PAPPA: variants seen among roughly 807,000 people sequenced by gnomAD.
PAPPA encodes the protein pappalysin-1.
In PAPPA, 60 loss-of-function variants were observed where a neutral mutation model predicts 164.0. The ratio of observed to expected loss-of-function variants is 0.37; its 90% CI spans 0.30 to 0.45. The LOEUF (loss-of-function observed/expected upper bound fraction) is 0.45. Ranked by LOEUF, PAPPA falls within the 20% of genes least tolerant of loss-of-function variation. The pLI, the probability that PAPPA is intolerant of heterozygous loss-of-function variation, is 1.00. For synonymous variants in PAPPA, 875 were observed against 814.1 expected, an observed-to-expected ratio of 1.07 and a Z score of -1.27; for missense variants, 1,782 against 2,087.3, an observed-to-expected ratio of 0.85 and a Z score of 2.85.
At chr9:116,297,730 C>A (rs778287372) in intron 9 of PAPPA, among the ~76,000 whole-genome samples, 1 of 152,122 alleles carries the variant, frequency 6.6e-6, no homozygotes, top group Non-Finnish European at 1.5e-5. Context: ...CTTCAAGATA[C>A]CTTAGGGTCT....
intron 9 of PAPPA, among the ~76,000 whole-genome samples, chr9:116,281,705 G>A (rs2118844383): frequency 6.6e-6 from 1 of 152,304 alleles, no homozygotes; most frequent in Non-Finnish European, 1.5e-5. Flanking sequence ...TGACACAACA[G>A]AGCCCCCAAA....
chr9:116,353,878 T>A, intron 17 of PAPPA, 85 bp downstream of exon 17: 1 of 953,154 alleles, frequency 1.0e-6, no homozygotes, highest in African/African-American at 1.7e-5. Flanking sequence ...AGGAACCACT[T>A]TCTGCACTTT....
intron 1 of PAPPA, among the ~76,000 whole-genome samples, chr9:116,159,488 TCTC>T (rs1843639985): frequency 6.6e-6 from 1 of 152,124 alleles, no homozygotes; most frequent in African/African-American, 2.4e-5. Context: ...AATTTGATCT[TCTC>T]CTCTTTGACA....
intron 4 of PAPPA, among the ~76,000 whole-genome samples, chr9:116,213,424 G>T (rs1017357834): frequency 2.6e-5 from 4 of 152,086 alleles, no homozygotes; most frequent in Non-Finnish European, 5.9e-5. Flanking sequence ...GCTCAAAAAA[G>T]ACCAGGGTGC....
chr9:116,207,647 A>T (rs1484316119), intron 3 of PAPPA, 46 bp downstream of exon 3: 1 of 1,465,732 alleles, frequency 6.8e-7, no homozygotes, highest in South Asian at 1.3e-5. Flanking sequence ...GTAGGACAGT[A>T]ATACACTTAG....
intron 10 of PAPPA, among the ~76,000 whole-genome samples, chr9:116,305,254 G>A (rs1019953496): frequency 6.6e-6 from 1 of 151,182 alleles, no homozygotes; most frequent in African/African-American, 2.4e-5. Context: ...GAATGAGGAG[G>A]AAGTATAATT....
intron 9 of PAPPA, among the ~76,000 whole-genome samples, chr9:116,282,234 T>C (rs974324137): frequency 6.6e-6 from 1 of 152,224 alleles, no homozygotes; most frequent in South Asian, 2.1e-4. Context: ...TCTAGATTAC[T>C]TCTAATACCT....
Position 116,398,742 on chromosome 9 carries a change from T to A in PAPPA, c.*2126T>A, listed in dbSNP as rs1328159482. On this transcript the variant is annotated 3_prime_UTR_variant, in exon 22 of 22. Coordinates refer to ENST00000328252, the MANE Select transcript of PAPPA (RefSeq NM_002581.5). The stretch of plus-strand genomic sequence containing the variant: ...ATATTGGCAAGGCTGCCACAGTTGT[T>A]AAGAATAATCCTCTATGTTTCTTCC... 2.2e-6 allele frequency: 1 copy of A among 455,914 alleles called. No individual in the cohort carries two copies. The highest frequency in any genetic ancestry group is 2.4e-5 in the Admixed American group (1 of 42,504). 28.2% of individuals were successfully genotyped at this position (455,914 alleles called of 1,614,324 possible).
Position 116,154,092 on chromosome 9 carries a change from G to A in PAPPA, c.-81G>A. ...CAAGAAGGGTGAAGAAGCGAAGAAA[G>A]TCGAGGCGCCGAGGCTCCCAAAGCT... On this transcript the variant is annotated 5_prime_UTR_variant, in exon 1 of 22. Coordinates refer to ENST00000328252, the MANE Select transcript of PAPPA (RefSeq NM_002581.5). This position sits in a 1 kb window ranked among gnomAD's most constrained non-coding sequence, Gnocchi z 5.2. 1 of 1,194,292 alleles carries A rather than the reference G, an allele frequency of 8.4e-7. No homozygotes were observed. Among genetic ancestry groups the A allele is most frequent in the Non-Finnish European group, 1.1e-6 (1 of 950,956 alleles). 74.0% of individuals were successfully genotyped at this position (1,194,292 alleles called of 1,614,324 possible).
intron 9 of PAPPA, among the ~76,000 whole-genome samples, chr9:116,293,065 C>T (rs1252950890): frequency 2.6e-5 from 4 of 152,056 alleles, no homozygotes; most frequent in East Asian, 1.9e-4. Flanking sequence ...TTGATGACGA[C>T]GTTAATGAGA....
chr9:116,308,248 T>C (rs1336728159), intron 10 of PAPPA, among the ~76,000 whole-genome samples: 2 of 151,850 alleles, frequency 1.3e-5, no homozygotes, highest in African/African-American at 4.8e-5. Flanking sequence ...GACCCAAGAG[T>C]GAGAGTGTAA....
At chr9:116,364,769 G>A (rs1031961665) in intron 18 of PAPPA, among the ~76,000 whole-genome samples, 3 of 152,186 alleles carry the variant, frequency 2.0e-5, no homozygotes, top group Admixed American at 6.5e-5. Context: ...GAGGGGAAGG[G>A]GTGGGAGGGT....
rs1564212451 is a variant in PAPPA, at chr9:116,289,368, G to GGCATATATATGGCATATGTATA, written c.2954-13379_2954-13378insGGCATATGTATAGCATATATAT. Among the ~76,000 whole-genome samples, 4 of 99,768 alleles carry GGCATATATATGGCATATGTATA rather than the reference G, an allele frequency of 4.0e-5. 1 individual carries two copies. Among genetic ancestry groups the GGCATATATATGGCATATGTATA allele is most frequent in the African/African-American group, 7.7e-5 (2 of 25,894 alleles). 65.5% of individuals were successfully genotyped at this position (99,768 alleles called of 152,430 possible). ...TATGGCATATATATGGCATATATATGGCATATATATAGCATATGTATATAT... is the reference window on the plus strand; with the variant it reads ...TATGGCATATATATGGCATATATATGGCATATATATGGCATATGTATAGCATATATATAGCATATGTATATAT... On this transcript the variant is annotated intron_variant, in intron 9 of 21. Coordinates refer to ENST00000328252, the MANE Select transcript of PAPPA (RefSeq NM_002581.5).
At chr9:116,267,051 T>C (rs1196846641) in intron 8 of PAPPA, among the ~76,000 whole-genome samples, 1 of 152,176 alleles carries the variant, frequency 6.6e-6, no homozygotes, top group Admixed American at 6.5e-5. Context: ...ACTATTTCTA[T>C]AAGGGGAGGG....
chr9:116,290,033 A>G (rs1268613790), intron 9 of PAPPA, among the ~76,000 whole-genome samples: 1 of 152,264 alleles, frequency 6.6e-6, no homozygotes, highest in African/African-American at 2.4e-5. Context: ...CTGCAAAAGT[A>G]AAATGTGAAA....
intron 1 of PAPPA, among the ~76,000 whole-genome samples, chr9:116,183,910 C>A (rs1216264994): frequency 2.6e-5 from 4 of 152,198 alleles, no homozygotes; most frequent in Non-Finnish European, 5.9e-5. Context: ...GAACTGAGAG[C>A]ACCCTACAGA....
At chr9:116,213,595 A>G (rs569287093) in intron 4 of PAPPA, among the ~76,000 whole-genome samples, 18 of 152,208 alleles carry the variant, frequency 1.2e-4, no homozygotes, top group Middle Eastern at 3.4e-3. Flanking sequence ...AAACAATAAC[A>G]TAAGTTTGGA....
chr9:116,246,442 C>A (rs1188523982), intron 7 of PAPPA, among the ~76,000 whole-genome samples: 1 of 152,118 alleles, frequency 6.6e-6, no homozygotes, highest in African/African-American at 2.4e-5. Flanking sequence ...TTATTTAATC[C>A]TTTTAAAAAA....
chr9:116,300,194 C>T (rs1350128714), intron 9 of PAPPA, among the ~76,000 whole-genome samples: 1 of 152,126 alleles, frequency 6.6e-6, no homozygotes, highest in African/African-American at 2.4e-5. Context: ...CTACTGGTCA[C>T]TTATAATGAA....
Sources: gnomAD v4.1 joint callset for allele counts (sites outside exome capture counted in the v4.1 genomes callset) on GRCh38, gnomAD v4.1.1 for gene constraint, Gnocchi (gnomAD v3.1) non-coding constraint, MANE v1.5 for transcripts, NCBI Gene and HGNC (gene_info 2026-07-23, HGNC 2026-07-21) for gene names.